BLTP3B: variants seen among roughly 807,000 people sequenced by gnomAD.
BLTP3B encodes bridge-like lipid transfer protein family member 3B.
chr12:100,108,792 G>C, the BLTP3B span, among the ~76,000 whole-genome samples: 1 of 152,124 alleles, frequency 6.6e-6, no homozygotes, highest in Non-Finnish European at 1.5e-5. Context: ...ACAGTTAAGT[G>C]AAACAAACCA....
At chr12:100,066,659 C>G in the BLTP3B span, among the ~76,000 whole-genome samples, 1 of 151,574 alleles carries the variant, frequency 6.6e-6, no homozygotes, top group African/African-American at 2.4e-5. Context: ...AAAAAATTAG[C>G]CAGGCAGGGT....
At chr12:100,108,158 T>G in the BLTP3B span, among the ~76,000 whole-genome samples, 260 of 152,344 alleles carry the variant, frequency 1.7e-3, 1 homozygote, top group South Asian at 3.9e-3. Flanking sequence ...TTTGAAATAT[T>G]AATGGAATCA....
At chr12:100,050,293 G>A in the BLTP3B span, 2 of 1,606,490 alleles carry the variant, frequency 1.2e-6, no homozygotes, top group Non-Finnish European at 1.7e-6. Flanking sequence ...ATTAACACCA[G>A]TAATTTTAAA....
At chr12:100,098,083 A>T in the BLTP3B span, among the ~76,000 whole-genome samples, 1 of 152,028 alleles carries the variant, frequency 6.6e-6, no homozygotes, top group Non-Finnish European at 1.5e-5. Context: ...CAGGCGCAGT[A>T]GTACATGCTG....
At chr12:100,097,217 T>C in the BLTP3B span, 1 of 707,438 alleles carries the variant, frequency 1.4e-6, no homozygotes, top group South Asian at 3.0e-5. Context: ...TATTTTGCAT[T>C]ATTTTAATAT....
chr12:100,101,859 A>G, the BLTP3B span, among the ~76,000 whole-genome samples: 1 of 152,224 alleles, frequency 6.6e-6, no homozygotes, highest in Non-Finnish European at 1.5e-5. Flanking sequence ...GCTGCAGTGC[A>G]GTGGCATGAG....
chr12:100,087,158 C>CAGAAAAAAAAAAAAAAA, the BLTP3B span, among the ~76,000 whole-genome samples: 2 of 59,892 alleles, frequency 3.3e-5, no homozygotes, highest in African/African-American at 6.3e-5. Context: ...GACTCCATCT[C>CAGAAAAAAAAAAAAAAA]AAAAAAAAAA....
At chr12:100,126,021 T>A in the BLTP3B span, among the ~76,000 whole-genome samples, 1 of 152,090 alleles carries the variant, frequency 6.6e-6, no homozygotes, top group Non-Finnish European at 1.5e-5. Flanking sequence ...ATCCCAACAC[T>A]TTGGGAGGCT....
At chr12:100,065,150 T>A in the BLTP3B span, among the ~76,000 whole-genome samples, 1 of 152,184 alleles carries the variant, frequency 6.6e-6, no homozygotes, top group South Asian at 2.1e-4. Flanking sequence ...AATATTCTTA[T>A]AATTTTTTAT....
At chr12:100,115,186 A>T in the BLTP3B span, among the ~76,000 whole-genome samples, 1 of 152,134 alleles carries the variant, frequency 6.6e-6, no homozygotes, top group Admixed American at 6.5e-5. Flanking sequence ...TGGGTGGATC[A>T]TCTGAGGTCA....
chr12:100,081,522 G>A, the BLTP3B span, among the ~76,000 whole-genome samples: 3 of 152,174 alleles, frequency 2.0e-5, no homozygotes, highest in South Asian at 2.1e-4. Context: ...CCCAAGTAGC[G>A]GGCATAGTAC....
At chr12:100,072,216 C>A in the BLTP3B span, among the ~76,000 whole-genome samples, 4 of 151,996 alleles carry the variant, frequency 2.6e-5, no homozygotes, top group African/African-American at 9.7e-5. Context: ...GAGCCGAGAT[C>A]GTGCCACTGC....
chr12:100,142,206 C>G, the BLTP3B span, among the ~76,000 whole-genome samples: 1 of 152,220 alleles, frequency 6.6e-6, no homozygotes, highest in Non-Finnish European at 1.5e-5. Context: ...GAGCACCGAA[C>G]TCGAGTTAGA....
At chr12:100,072,529 A>G in the BLTP3B span, 31 of 738,166 alleles carry the variant, frequency 4.2e-5, 1 homozygote, top group South Asian at 7.4e-5. Flanking sequence ...CAACACAGTG[A>G]GATGCTAGCT....
At chr12:100,114,986 A>T in the BLTP3B span, among the ~76,000 whole-genome samples, 8 of 152,114 alleles carry the variant, frequency 5.3e-5, no homozygotes, top group Non-Finnish European at 8.8e-5. Flanking sequence ...GGATTTTCAA[A>T]TTTTTTTACA....
chr12:100,055,696 A>G, the BLTP3B span, among the ~76,000 whole-genome samples: 1 of 147,360 alleles, frequency 6.8e-6, no homozygotes, highest in African/African-American at 2.6e-5. Context: ...AAAAAAAAAA[A>G]GAATAACAAG....
At chr12:100,104,254 G>C in the BLTP3B span, among the ~76,000 whole-genome samples, 2 of 145,882 alleles carry the variant, frequency 1.4e-5, no homozygotes, top group African/African-American at 5.1e-5. Context: ...GCCCAGACTG[G>C]AGTGCAGTGG....
the BLTP3B span, among the ~76,000 whole-genome samples, chr12:100,119,663 A>C: frequency 1.3e-5 from 2 of 152,190 alleles, no homozygotes; most frequent in African/African-American, 4.8e-5. Flanking sequence ...AATTTCCAAC[A>C]AAGGTGCAAA....
At chr12:100,090,404 A>C in the BLTP3B span, among the ~76,000 whole-genome samples, 141 of 152,306 alleles carry the variant, frequency 9.3e-4, no homozygotes, top group Non-Finnish European at 1.7e-3. Flanking sequence ...CTATAATGTA[A>C]GATTATCTGA....
Sources: allele counts gnomAD v4.1 joint callset (sites outside exome capture counted in the v4.1 genomes callset), GRCh38; gene constraint gnomAD v4.1.1; transcripts MANE v1.5; gene names NCBI Gene and HGNC (gene_info 2026-07-23, HGNC 2026-07-21).